DMD: variants seen among roughly 807,000 people sequenced by gnomAD.
DMD encodes the protein mutant dystrophin.
DMD carries 63 observed loss-of-function variants against 330.1 expected under a neutral mutation model. That is an observed-to-expected ratio of 0.19 (90% CI 0.16 to 0.24). DMD has a LOEUF of 0.24. Ranked by LOEUF, DMD falls within the 10% of genes least tolerant of loss-of-function variation. DMD has a pLI of 1.00. For missense variants in DMD, 3,344 were observed against 2,684.1 expected, an observed-to-expected ratio of 1.25 and a Z score of -5.43; for synonymous variants, 1,223 against 959.8, an observed-to-expected ratio of 1.27 and a Z score of -5.07.
chrX:32,309,443 A>C (rs2097552979), intron 42 of DMD, among the ~76,000 whole-genome samples: 1 of 111,167 alleles, frequency 9.0e-6, no homozygotes, highest in Admixed American at 9.6e-5. Context: ...TCCTACATTC[A>C]TTTATCTTCA....
At chrX:32,531,009 C>A (rs1054417173) in intron 17 of DMD, among the ~76,000 whole-genome samples, 3 of 111,834 alleles carry the variant, frequency 2.7e-5, no homozygotes, top group African/African-American at 9.7e-5. Context: ...CTAGAGGGCG[C>A]ACATTCCCTT....
Position 33,206,848 on chromosome X carries a change from G to A in DMD, c.31+4434C>T, listed in dbSNP as rs186847127. Among the ~76,000 whole-genome samples, 103 of 107,397 alleles carry A rather than the reference G, an allele frequency of 9.6e-4. 1 individual carries two copies. Among genetic ancestry groups the A allele is most frequent in the South Asian group, 1.8e-3 (4 of 2,230 alleles). 93.3% of individuals were successfully genotyped at this position (107,397 alleles called of 115,157 possible). A position where few individuals can be genotyped will look rare whatever the true frequency, so the allele number is the denominator to read the frequency against. On this transcript the variant is annotated intron_variant, in intron 1 of 78. Transcript: ENST00000357033. Reference sequence around the variant, plus strand: ...TGAGGTAGAGGTTGTATGGCCGTGAGATGAGGACTCTTTTTATTTTATTTT... The same window carrying A: ...TGAGGTAGAGGTTGTATGGCCGTGAAATGAGGACTCTTTTTATTTTATTTT...
At chrX:32,128,252 T>C (rs1335619098) in intron 44 of DMD, among the ~76,000 whole-genome samples, 1 of 112,099 alleles carries the variant, frequency 8.9e-6, no homozygotes, top group Non-Finnish European at 1.9e-5. Context: ...ATAAAACATG[T>C]TTGTTTACAA....
intron 62 of DMD, among the ~76,000 whole-genome samples, chrX:31,295,246 C>T (rs186903074): frequency 1.4e-4 from 15 of 110,999 alleles, no homozygotes; most frequent in Admixed American, 1.3e-3. Context: ...CCGCCCACCT[C>T]GGCCTCACAA....
intron 48 of DMD, among the ~76,000 whole-genome samples, chrX:31,864,126 A>G (rs1459964385): frequency 9.0e-6 from 1 of 111,307 alleles, no homozygotes; most frequent in Non-Finnish European, 1.9e-5. Flanking sequence ...GCAAGCAGAT[A>G]TTCAATTTTC....
At chrX:32,312,111 C>T (rs2097564591) in intron 41 of DMD, among the ~76,000 whole-genome samples, 1 of 111,168 alleles carries the variant, frequency 9.0e-6, no homozygotes, top group Non-Finnish European at 1.9e-5. Context: ...TTTTTGTTAT[C>T]AGGAACAGAG....
intron 53 of DMD, among the ~76,000 whole-genome samples, chrX:31,659,502 GCTGGTAGGCTC>G (rs2080987530): frequency 9.2e-6 from 1 of 108,308 alleles, no homozygotes; most frequent in African/African-American, 3.4e-5. Context: ...AGCCGGGTGT[GCTGGTAGGCTC>G]CTGTAATCCC....
At chrX:32,297,112 A>G (rs2148509600) in intron 42 of DMD, among the ~76,000 whole-genome samples, 1 of 110,902 alleles carries the variant, frequency 9.0e-6, no homozygotes, top group Middle Eastern at 4.7e-3. Context: ...ACCTAGCCAC[A>G]CTAGTTTTAA....
At chrX:33,015,536 G>C (rs761554755) in intron 2 of DMD, among the ~76,000 whole-genome samples, 3 of 110,704 alleles carry the variant, frequency 2.7e-5, no homozygotes, top group Admixed American at 9.7e-5. Flanking sequence ...GGAGGAGGGA[G>C]AGGATCAGGA....
chrX:32,582,023 A>T (rs1413061994), intron 13 of DMD, among the ~76,000 whole-genome samples: 1 of 111,925 alleles, frequency 8.9e-6, no homozygotes, highest in African/African-American at 3.2e-5. Flanking sequence ...CTCTTAGAAT[A>T]TTAAGAACAG....
chrX:32,440,182 G>A (rs977399412), intron 28 of DMD, among the ~76,000 whole-genome samples: 25 of 111,474 alleles, frequency 2.2e-4, no homozygotes, highest in Non-Finnish European at 5.7e-5. Flanking sequence ...AACTTTTCTA[G>A]AACATGTAAC....
intron 18 of DMD, among the ~76,000 whole-genome samples, chrX:32,512,322 T>C (rs1677859328): frequency 8.9e-6 from 1 of 112,352 alleles, no homozygotes; most frequent in African/African-American, 3.2e-5. Context: ...ATTAAGAATC[T>C]ACTCATTTAA....
At chrX:32,734,934 G>A (rs1439171309) in intron 7 of DMD, among the ~76,000 whole-genome samples, 7 of 107,522 alleles carry the variant, frequency 6.5e-5, no homozygotes, top group African/African-American at 2.5e-4. Flanking sequence ...GCAGGAGAAG[G>A]AAATAAAGGG....
At chrX:32,229,479 A>C in intron 43 of DMD, among the ~76,000 whole-genome samples, 1 of 105,237 alleles carries the variant, frequency 9.5e-6, no homozygotes, top group East Asian at 3.0e-4. Context: ...ATATTGTCCT[A>C]AATTTTTCTA....
In DMD at chrX:32,719,889, T is replaced by C. The variant is rs148033285; in HGVS notation, c.650-20596A>G. Among the ~76,000 whole-genome samples, 389 of 110,556 alleles carry C rather than the reference T, an allele frequency of 3.5e-3. 3 individuals are homozygous for C. The highest frequency in any genetic ancestry group is 0.012 in the African/African-American group (358 of 30,535). On this transcript the variant is annotated intron_variant, in intron 7 of 78. Transcript: ENST00000357033. Reference sequence around the variant, plus strand: ...TTATCACCAGATAGACTCTATCATATAATACGTTGTTATCCCAGCTTGCAT... The same window carrying C: ...TTATCACCAGATAGACTCTATCATACAATACGTTGTTATCCCAGCTTGCAT...
chrX:33,079,666 G>T (rs777561665), intron 1 of DMD, among the ~76,000 whole-genome samples: 83 of 111,373 alleles, frequency 7.5e-4, no homozygotes, highest in African/African-American at 2.4e-3. Flanking sequence ...AAAAGATTAG[G>T]CCAGAAAGAG....
At chrX:32,448,311 C>T in intron 27 of DMD, 145 bp downstream of exon 27, 1 of 579,247 alleles carries the variant, frequency 1.7e-6, no homozygotes, top group Admixed American at 2.9e-5. Context: ...AAGCAAATGG[C>T]CCAAAGTCAT....
chrX:31,486,189 C>T (rs1039711642), intron 57 of DMD, among the ~76,000 whole-genome samples: 3 of 112,521 alleles, frequency 2.7e-5, no homozygotes, highest in Non-Finnish European at 3.8e-5. Context: ...TGCTAAGCAT[C>T]GTTATTATCG....
At chrX:32,027,647 C>T (rs1305705120) in intron 44 of DMD, among the ~76,000 whole-genome samples, 1 of 111,726 alleles carries the variant, frequency 9.0e-6, no homozygotes, top group Non-Finnish European at 1.9e-5. Flanking sequence ...TTGAGAGATC[C>T]CTCAGATTAC....
Sources: allele counts gnomAD v4.1 joint callset (sites outside exome capture counted in the v4.1 genomes callset), GRCh38; gene constraint gnomAD v4.1.1; transcripts MANE v1.5; gene names NCBI Gene and HGNC (gene_info 2026-07-23, HGNC 2026-07-21).